PELP1: variants seen among roughly 807,000 people sequenced by gnomAD.
PELP1 encodes proline, glutamate and leucine rich protein 1, also known as proline-, glutamic acid- and leucine-rich protein 1.
A neutral mutation model predicts 95.5 loss-of-function variants in PELP1; 32 were observed. The observed-to-expected ratio is 0.34, with a 90% CI of 0.25 to 0.45. The LOEUF is 0.45. Ranked by LOEUF, PELP1 falls within the 20% of genes least tolerant of loss-of-function variation. The probability of loss-of-function intolerance (pLI) is 1.00; values close to 1 mark genes in which losing one functional copy is unlikely to be tolerated. For synonymous variants in PELP1, 668 were observed against 600.1 expected, an observed-to-expected ratio of 1.11 and a Z score of -1.65; for missense variants, 1,358 against 1,444.8, an observed-to-expected ratio of 0.94 and a Z score of 0.97.
chr17:4,674,870 G>C lies in PELP1; in HGVS notation c.1361C>G (p.Ser454Cys). 6 of 1,613,678 alleles carry C rather than the reference G, an allele frequency of 3.7e-6. No homozygotes were observed. The highest frequency in any genetic ancestry group is 5.1e-6 in the Non-Finnish European group (6 of 1,179,802). ...ASAGMLQGGA[S>C]GEALLTHLLS... is the part of the protein sequence containing the mutation. ...CAGGTGGGTGAGCAGGGCCTCTCCA[G>C]AGGCTCCTCCCTGAAGCATTCCCGC... is the stretch of plus-strand genomic sequence containing the variant. The change falls in exon 12 of 17, where the codon TCT becomes TGT. Residue 454 changes from serine to cysteine, a missense_variant. Ser to Cys is a moderately radical substitution (Grantham distance 112). Transcript: ENST00000572293.
At chr17:4,678,325 C>G (rs530392683) in intron 5 of PELP1, among the ~76,000 whole-genome samples, 1 of 152,036 alleles carries the variant, frequency 6.6e-6, no homozygotes, top group African/African-American at 2.4e-5. Flanking sequence ...TCACGCTTTC[C>G]CCGAGACATC....
chr17:4,675,760 G>T lies in PELP1; in HGVS notation c.1068+37C>A. Reference sequence around the variant, plus strand: ...TACTTTCCTGGTTGCCTGGTATCCTGAGCAAGGGCTCTGAAGAGATGACAA... The same window carrying T: ...TACTTTCCTGGTTGCCTGGTATCCTTAGCAAGGGCTCTGAAGAGATGACAA... On this transcript the variant is annotated intron_variant, in intron 9 of 16. Transcript: ENST00000572293. The surrounding 1 kb of genome is among the most constrained non-coding windows in gnomAD (Gnocchi z 4.3). 6.9e-7 allele frequency: 1 copy of T among 1,444,914 alleles called. No homozygotes were observed. Among genetic ancestry groups the T allele is most frequent in the South Asian group, 1.2e-5 (1 of 81,990 alleles). The allele number at this position is 1,444,914 out of a possible 1,614,324, so 89.5% of individuals were successfully genotyped here. A position where few individuals can be genotyped will look rare whatever the true frequency, so the allele number is the denominator to read the frequency against.
chr17:4,704,120 G>A lies in PELP1; in HGVS notation c.-9C>T, dbSNP rs1913679342. 6.2e-7 allele frequency: 1 copy of A among 1,602,630 alleles called. No individual in the cohort carries two copies. The highest frequency in any genetic ancestry group is 1.7e-4 in the Middle Eastern group (1 of 6,042). On this transcript the variant is annotated 5_prime_UTR_variant, in exon 1 of 17. Coordinates refer to ENST00000572293, the MANE Select transcript of PELP1 (RefSeq NM_014389.3). ...AGAACGGCTGCCGCCATCTTCCCCC[G>A]GGTTCCAGTGGTGGCGTGGCGCGAT... is the stretch of plus-strand genomic sequence containing the variant.
In PELP1 at chr17:4,672,674, C is replaced by T. The variant is rs1173669263; in HGVS notation, c.2317G>A (p.Ala773Thr). Reference sequence around the variant, plus strand: ...TCCAAGGAGATCTCCACATCAGATGCCTCCTCCTTGTCATAGTGGACAAAG... The same window carrying T: ...TCCAAGGAGATCTCCACATCAGATGTCTCCTCCTTGTCATAGTGGACAAAG... ...PAFVHYDKEE[A>T]SDVEISLESD... The change falls in exon 16 of 17, where the codon GCA becomes ACA. Residue 773 changes from alanine to threonine, a missense_variant. Ala to Thr is a moderately conservative substitution (Grantham distance 58). Around this residue, in one of 7 missense-constraint regions of PELP1, gnomAD observed 340 missense variants for 322.9 expected, o/e 1.05. Coordinates refer to ENST00000572293, the MANE Select transcript of PELP1 (RefSeq NM_014389.3). 1.9e-6 allele frequency: 3 copies of T among 1,613,534 alleles called. No individual in the cohort carries two copies. The highest frequency in any genetic ancestry group is 2.5e-6 in the Non-Finnish European group (3 of 1,179,698).
At chr17:4,700,268 A>G (rs1259092943) in intron 1 of PELP1, among the ~76,000 whole-genome samples, 1 of 152,168 alleles carries the variant, frequency 6.6e-6, no homozygotes, top group Non-Finnish European at 1.5e-5. Flanking sequence ...GGCCAGGTGC[A>G]GTGGCTCATC....
At position 4,682,483 on chromosome 17, in the gene PELP1, AG is replaced by A; in HGVS notation, c.642+18del. The A allele has an allele frequency of 6.6e-7, 1 of 1,525,868 alleles. No individual in the cohort carries two copies. 94.5% of individuals were successfully genotyped at this position (1,525,868 alleles called of 1,614,324 possible). ...CTCAACGCTTACACTGGTGGGGAGA[AG>A]AGTGCATAAATACTTACTTTGAGAG... On this transcript the variant is annotated intron_variant, in intron 5 of 16. Transcript: ENST00000572293.
In PELP1 at chr17:4,688,501, G is replaced by A. The variant is rs111720492; in HGVS notation, c.420+2387C>T. On this transcript the variant is annotated intron_variant, in intron 3 of 16. Transcript: ENST00000572293. ...AATAAATGAAGCCGGTAAAGTTTCA[G>A]GATACAAAATCAATGTATACACATC... 4.4e-3 allele frequency among the ~76,000 whole-genome samples: 671 copies of A among 152,178 alleles called. 3 individuals are homozygous for A. Among genetic ancestry groups the A allele is most frequent in the African/African-American group, 0.015 (626 of 41,534 alleles).
chr17:4,677,860 C>T (rs985433741), intron 5 of PELP1, among the ~76,000 whole-genome samples: 2 of 150,944 alleles, frequency 1.3e-5, no homozygotes, highest in African/African-American at 4.9e-5. Flanking sequence ...AGCCCAGAAC[C>T]GAGATCATGC....
At chr17:4,703,266 C>G (rs986561611) in intron 1 of PELP1, among the ~76,000 whole-genome samples, 2 of 152,156 alleles carry the variant, frequency 1.3e-5, no homozygotes, top group Non-Finnish European at 1.5e-5. Flanking sequence ...CATGAGCTCT[C>G]CTCTGACTGA....
Position 4,673,563 on chromosome 17 carries a change from T to C in PELP1, c.1638+56A>G. ...CCCACCTCTGGGCCACACCCCCCAA[T>C]GTGTACAGAGCAGGGGCCCCTTCCC... On this transcript the variant is annotated intron_variant, in intron 14 of 16. Coordinates refer to ENST00000572293, the MANE Select transcript of PELP1 (RefSeq NM_014389.3). The surrounding 1 kb of genome is among the most constrained non-coding windows in gnomAD (Gnocchi z 5.7). 3 of 1,581,040 alleles carry C rather than the reference T, an allele frequency of 1.9e-6. No homozygotes were observed. In the South Asian group the frequency reaches 3.3e-5, roughly 17 times the overall value.
In PELP1 at chr17:4,694,497, C is replaced by CAAAAAA. The variant is rs55794918; in HGVS notation, c.250-3061_250-3056dup. On this transcript the variant is annotated intron_variant, in intron 1 of 16. Coordinates refer to ENST00000572293, the MANE Select transcript of PELP1 (RefSeq NM_014389.3). ...TGAAACGCCATCTCTACCAAAAATACAAAAAAAAAAAAATCAGCCAGGCGT... is the reference window on the plus strand; with the variant it reads ...TGAAACGCCATCTCTACCAAAAATACAAAAAAAAAAAAAAAAAAATCAGCCAGGCGT... 1.5e-3 allele frequency among the ~76,000 whole-genome samples: 82 copies of CAAAAAA among 54,638 alleles called. 15 individuals are homozygous for CAAAAAA. Among genetic ancestry groups the CAAAAAA allele is most frequent in the African/African-American group, 2.8e-3 (31 of 11,168 alleles). 35.8% of individuals were successfully genotyped at this position (54,638 alleles called of 152,430 possible).
At chr17:4,686,295 G>C (rs904164368) in intron 3 of PELP1, among the ~76,000 whole-genome samples, 1 of 152,110 alleles carries the variant, frequency 6.6e-6, no homozygotes, top group African/African-American at 2.4e-5. Context: ...AGTCACCCTG[G>C]ACATGTGTTC....
Position 4,687,182 on chromosome 17 carries a change from A to G in PELP1, c.420+3706T>C, listed in dbSNP as rs541328041. ...TTCTCCTGTTACATGTTTTCCAAGA[A>G]CTATAGTCTTTACCTCCACAGCACC... is the stretch of plus-strand genomic sequence containing the variant. On this transcript the variant is annotated intron_variant, in intron 3 of 16. Transcript: ENST00000572293. 2.0e-5 allele frequency among the ~76,000 whole-genome samples: 3 copies of G among 152,234 alleles called. No homozygotes were observed. In the East Asian group the frequency reaches 5.8e-4, roughly 29 times the overall value.
Position 4,672,324 on chromosome 17 carries a change from CTCT to C in PELP1, c.2664_2666del (p.Glu908del), listed in dbSNP as rs1279583602. ...CTTCCTCTTCTTCCTCTTCCTCCTC[CTCT>C]TCATCACTGCTGTTGATATTAATAA... is the stretch of plus-strand genomic sequence containing the variant. On this transcript the variant is annotated inframe_deletion, in exon 16 of 17. Coordinates refer to ENST00000572293, the MANE Select transcript of PELP1 (RefSeq NM_014389.3). The C allele has an allele frequency of 1.0e-5, 16 of 1,553,176 alleles. No homozygotes were observed. The highest frequency in any genetic ancestry group is 6.8e-5 in the African/African-American group (5 of 73,048).
In PELP1 at chr17:4,673,169, T is replaced by C; in HGVS notation, c.1846-24A>G. The C allele has an allele frequency of 6.6e-7, 1 of 1,513,814 alleles. No homozygotes were observed. Among genetic ancestry groups the C allele is most frequent in the Middle Eastern group, 1.8e-4 (1 of 5,704 alleles). The allele number at this position is 1,513,814 out of a possible 1,614,324, so 93.8% of individuals were successfully genotyped here. A position where few individuals can be genotyped will look rare whatever the true frequency, so the allele number is the denominator to read the frequency against. ...ACCTGAGGAAAGAAGAAAGGGCAAG[T>C]GTGAGCACCAGAAATACTGGGAGTC... On this transcript the variant is annotated intron_variant, in intron 15 of 16. Coordinates refer to ENST00000572293, the MANE Select transcript of PELP1 (RefSeq NM_014389.3). This position sits in a 1 kb window ranked among gnomAD's most constrained non-coding sequence, Gnocchi z 5.7.
rs761412233 is a variant in PELP1 at position 4,676,337 on chromosome 17, C to G, written c.853+20G>C. 3.1e-6 allele frequency: 5 copies of G among 1,610,242 alleles called. No homozygotes were observed. The highest frequency in any genetic ancestry group is 4.5e-5 in the East Asian group (2 of 44,868). On this transcript the variant is annotated intron_variant, in intron 7 of 16. Coordinates refer to ENST00000572293, the MANE Select transcript of PELP1 (RefSeq NM_014389.3). ...CGCTTCCTCACTATTGTTCCACTAACTAGCAGCCCTGGTCCCTACCAGTCT... is the reference window on the plus strand; with the variant it reads ...CGCTTCCTCACTATTGTTCCACTAAGTAGCAGCCCTGGTCCCTACCAGTCT...
chr17:4,702,830 G>T (rs1002868300), intron 1 of PELP1, among the ~76,000 whole-genome samples: 14 of 152,148 alleles, frequency 9.2e-5, no homozygotes, highest in Non-Finnish European at 2.1e-4. Flanking sequence ...AGGGAAGATA[G>T]GAGATTGTTA....
chr17:4,691,091 TC>T, intron 2 of PELP1, 98 bp from the exon 3 acceptor site: 1 of 848,450 alleles, frequency 1.2e-6, no homozygotes, highest in Middle Eastern at 2.3e-4. Context: ...CAAGACTTCA[TC>T]CCCAGATCCA....
intron 5 of PELP1, among the ~76,000 whole-genome samples, chr17:4,678,531 A>C (rs1912579002): frequency 6.6e-6 from 1 of 152,166 alleles, no homozygotes; most frequent in South Asian, 2.1e-4. Context: ...GACTGCAATA[A>C]AGCAGTGTAC....
Sources: gnomAD v4.1 joint callset for allele counts (sites outside exome capture counted in the v4.1 genomes callset) on GRCh38, gnomAD v4.1.1 for gene constraint, gnomAD v4.1.1 regional missense constraint, Gnocchi (gnomAD v3.1) non-coding constraint, MANE v1.5 for transcripts, NCBI Gene and HGNC (gene_info 2026-07-23, HGNC 2026-07-21) for gene names.